Variants in C5orf22 observed in about 807,000 individuals in gnomAD.
C5orf22 encodes chromosome 5 open reading frame 22, also known as UPF0489 protein C5orf22.
Under a neutral mutation model 48.7 loss-of-function variants are expected in C5orf22, and 36 were observed. That is an observed-to-expected ratio of 0.74 (90% confidence interval 0.57 to 0.98). The LOEUF (loss-of-function observed/expected upper bound fraction) is 0.98, where lower values mean the gene tolerates loss of function less well. Among genes scored for constraint, C5orf22 ranks in the 50% least tolerant of loss-of-function variants. The pLI is 0.00. For synonymous variants in C5orf22, 141 were observed against 180.8 expected (o/e 0.78, Z 1.76); for missense variants, 486 against 521.9 (o/e 0.93, Z 0.67).
chr5:31,536,463 C>G (rs972094216), intron 3 of C5orf22, among the ~76,000 whole-genome samples: 1 of 152,166 alleles, frequency 6.6e-6, no homozygotes, highest in African/African-American at 2.4e-5. Context: ...ACAGAGCTTG[C>G]AGTGAGCTGA....
At chr5:31,536,981 T>C (rs1742135022) in intron 3 of C5orf22, among the ~76,000 whole-genome samples, 1 of 152,234 alleles carries the variant, frequency 6.6e-6, no homozygotes, top group South Asian at 2.1e-4. Flanking sequence ...TTAACTTTTG[T>C]AGTATATAAT....
At chr5:31,541,442 C>G in intron 6 of C5orf22, 40 bp downstream of exon 6, 2 of 1,605,998 alleles carry the variant, frequency 1.2e-6, no homozygotes, top group Non-Finnish European at 1.7e-6. Context: ...ACTCTACTAA[C>G]TTTCAGTCCT....
rs1231238591 is a variant in C5orf22 at position 31,538,222 on chromosome 5, C to G, written c.378-38C>G. The G allele has an allele frequency of 2.8e-6, 4 of 1,453,350 alleles. No individual in the cohort carries two copies. In the South Asian group the frequency reaches 5.3e-5, roughly 19 times the overall value. The allele number at this position is 1,453,350 out of a possible 1,614,324, so 90.0% of individuals were successfully genotyped here. On this transcript the variant is annotated intron_variant, in intron 3 of 8. Coordinates refer to ENST00000325366, the MANE Select transcript of C5orf22 (RefSeq NM_018356.3). ...CCATAGTGAAATGTCAACTGATTTG[C>G]CCATTCTTCTTAAAAATCGTTTTTT...
At chr5:31,533,166 G>A (rs1741779861) in intron 1 of C5orf22, among the ~76,000 whole-genome samples, 1 of 152,020 alleles carries the variant, frequency 6.6e-6, no homozygotes, top group Non-Finnish European at 1.5e-5. Flanking sequence ...CGTTAGCCAG[G>A]ATGGTCTGAA....
Position 31,534,885 on chromosome 5 carries a change from A to G in C5orf22, c.227+468A>G, listed in dbSNP as rs1377322418. 2.5e-5 allele frequency: 10 copies of G among 396,228 alleles called. No individual in the cohort carries two copies. The Admixed American group carries it at 3.0e-4, about 12-fold the overall frequency. The allele number at this position is 396,228 out of a possible 1,614,324, so 24.5% of individuals were successfully genotyped here. A position where few individuals can be genotyped will look rare whatever the true frequency, so the allele number is the denominator to read the frequency against. On this transcript the variant is annotated intron_variant, in intron 2 of 8. Transcript: ENST00000325366. ...ATAACCAGACCCCATCTCTTAAAAG[A>G]AACAAACCAAAAAAACTTTGTTTAC...
At chr5:31,539,850 G>T (rs1742341170) in intron 4 of C5orf22, among the ~76,000 whole-genome samples, 1 of 151,936 alleles carries the variant, frequency 6.6e-6, no homozygotes, top group African/African-American at 2.4e-5. Context: ...TGAGAACAGC[G>T]TAGGCAACGT....
intron 3 of C5orf22, among the ~76,000 whole-genome samples, chr5:31,537,087 T>C (rs1482710895): frequency 6.6e-6 from 1 of 152,248 alleles, no homozygotes; most frequent in African/African-American, 2.4e-5. Context: ...AGCATATAAA[T>C]ATTGTACATA....
chr5:31,552,957 T>G lies in C5orf22; in HGVS notation c.*55T>G. The G allele has an allele frequency of 6.5e-7, 1 of 1,542,132 alleles. No homozygotes were observed. Among genetic ancestry groups the G allele is most frequent in the East Asian group, 2.3e-5 (1 of 44,182 alleles). On this transcript the variant is annotated 3_prime_UTR_variant, in exon 9 of 9. Transcript: ENST00000325366. The stretch of plus-strand genomic sequence containing the variant: ...TCTTGGTTTAGTAACAGGCCCTTAA[T>G]TAACTTATTTGTACATGAGTCTTCC...
chr5:31,551,277 ATTGTC>A lies in C5orf22; in HGVS notation c.1060-13_1060-9del. On this transcript the variant is annotated splice_polypyrimidine_tract_variant and intron_variant, in intron 7 of 8. Coordinates refer to ENST00000325366, the MANE Select transcript of C5orf22 (RefSeq NM_018356.3). ...CAACTGTCATACAGTGTAATTTTTA[ATTGTC>A]TTATTTTCAGGTTCACCAGGCTGGT... is the stretch of plus-strand genomic sequence containing the variant. 6.2e-7 allele frequency: 1 copy of A among 1,611,172 alleles called. No individual in the cohort carries two copies. The highest frequency in any genetic ancestry group is 8.5e-7 in the Non-Finnish European group (1 of 1,179,276).
chr5:31,548,446 C>A lies in C5orf22; in HGVS notation c.1059+2734C>A, dbSNP rs141492866. The A allele has an allele frequency of 7.7e-3, 2,669 of 346,978 alleles. 78 individuals are homozygous for A. The highest frequency in any genetic ancestry group is 0.053 in the African/African-American group (2,455 of 46,430). The allele number at this position is 346,978 out of a possible 1,614,324, so 21.5% of individuals were successfully genotyped here. A position where few individuals can be genotyped will look rare whatever the true frequency, so the allele number is the denominator to read the frequency against. ...TCTCTAGGGCAGGGGCAAAATGCCA[C>A]CAGTCTCTTTGCTAAAATATAACAA... On this transcript the variant is annotated intron_variant, in intron 7 of 8. Transcript: ENST00000325366.
At chr5:31,549,336 A>T (rs1298543940) in intron 7 of C5orf22, among the ~76,000 whole-genome samples, 1 of 152,224 alleles carries the variant, frequency 6.6e-6, no homozygotes, top group South Asian at 2.1e-4. Context: ...CCCATGACAC[A>T]TGGAAATTGT....
At chr5:31,540,700 C>A in intron 4 of C5orf22, 1 of 400,586 alleles carries the variant, frequency 2.5e-6, no homozygotes, top group Admixed American at 3.9e-5. Flanking sequence ...TAGTACCATG[C>A]CCAGCTGGAT....
At chr5:31,538,082 G>GT (rs1742206419) in intron 3 of C5orf22, 178 bp from the exon 4 acceptor site, 1 of 574,824 alleles carries the variant, frequency 1.7e-6, no homozygotes, top group Non-Finnish European at 3.1e-6. Context: ...TGGGGCAGCT[G>GT]TGTGTCCAGC....
intron 3 of C5orf22, among the ~76,000 whole-genome samples, chr5:31,536,994 T>C (rs958998596): frequency 1.3e-5 from 2 of 152,242 alleles, no homozygotes; most frequent in African/African-American, 4.8e-5. Context: ...TATATAATCT[T>C]GTCGTTTGCA....
intron 3 of C5orf22, 71 bp downstream of exon 3, chr5:31,535,964 C>T: frequency 6.9e-7 from 1 of 1,445,912 alleles, no homozygotes. Flanking sequence ...CCTATAATAA[C>T]TTCATAAGTC....
chr5:31,542,225 C>T (rs947484579), intron 6 of C5orf22, among the ~76,000 whole-genome samples: 12 of 150,578 alleles, frequency 8.0e-5, no homozygotes, highest in Admixed American at 4.6e-4. Flanking sequence ...CTGAGGCGGG[C>T]GGATCATGAG....
intron 3 of C5orf22, among the ~76,000 whole-genome samples, chr5:31,536,454 CAG>C (rs1466334179): frequency 2.6e-5 from 4 of 152,164 alleles, no homozygotes; most frequent in East Asian, 1.9e-4. Context: ...ACCCAGGAGA[CAG>C]AGCTTGCAGT....
intron 7 of C5orf22, 94 bp downstream of exon 7, chr5:31,545,806 G>A: frequency 1.3e-6 from 1 of 777,864 alleles, no homozygotes; most frequent in Non-Finnish European, 2.1e-6. Context: ...GTTCGTTTTT[G>A]TTTGTGTTCC....
At chr5:31,542,959 G>T (rs541664702) in intron 6 of C5orf22, among the ~76,000 whole-genome samples, 32 of 152,272 alleles carry the variant, frequency 2.1e-4, no homozygotes, top group African/African-American at 7.0e-4. Flanking sequence ...ACTAAGATTT[G>T]TCATGTTTTG....
Sources: allele counts gnomAD v4.1 joint callset (sites outside exome capture counted in the v4.1 genomes callset), GRCh38; gene constraint gnomAD v4.1.1; transcripts MANE v1.5; gene names NCBI Gene and HGNC (gene_info 2026-07-23, HGNC 2026-07-21).